ESRRG: variants seen among roughly 807,000 people sequenced by gnomAD.
ESRRG encodes estrogen related receptor gamma, also known as estrogen-related receptor gamma.
Under a neutral mutation model 44.0 loss-of-function variants are expected in ESRRG, and 13 were observed. That is an observed-to-expected ratio of 0.30 (90% CI 0.19 to 0.47). The LOEUF is 0.47. Ranked by LOEUF, ESRRG falls within the 20% of genes least tolerant of loss-of-function variation. The pLI is 1.00. For synonymous variants in ESRRG, 215 were observed against 214.6 expected (o/e 1.00, Z -0.02); for missense variants, 395 against 580.6 (o/e 0.68, Z 3.29).
At chr1:216,983,553 T>A (rs2074348462) in intron 1 of ESRRG, among the ~76,000 whole-genome samples, 1 of 152,138 alleles carries the variant, frequency 6.6e-6, no homozygotes, top group Non-Finnish European at 1.5e-5. Flanking sequence ...CCATGACACA[T>A]CTTCAAAGAC....
chr1:216,787,040 G>A (rs2094149724), intron 2 of ESRRG, among the ~76,000 whole-genome samples: 1 of 151,448 alleles, frequency 6.6e-6, no homozygotes, highest in Non-Finnish European at 1.5e-5. Context: ...TTCTCCAACA[G>A]CATGTGTTCA....
At chr1:217,082,398 T>A (rs2091825528) in intron 1 of ESRRG, among the ~76,000 whole-genome samples, 1 of 152,240 alleles carries the variant, frequency 6.6e-6, no homozygotes, top group South Asian at 2.1e-4. Context: ...AAGCAGATGC[T>A]TTTATTATTC....
At chr1:216,783,950 C>T (rs924632751) in intron 2 of ESRRG, among the ~76,000 whole-genome samples, 20 of 152,094 alleles carry the variant, frequency 1.3e-4, no homozygotes, top group Non-Finnish European at 2.2e-4. Context: ...CACTTGTCTG[C>T]AATATCGATG....
intron 3 of ESRRG, among the ~76,000 whole-genome samples, chr1:216,594,214 T>C (rs2058106843): frequency 6.6e-6 from 1 of 152,168 alleles, no homozygotes; most frequent in African/African-American, 2.4e-5. Context: ...AAATACTATG[T>C]ATCTCTCAGA....
At chr1:216,991,014 A>G (rs1384057606) in intron 1 of ESRRG, among the ~76,000 whole-genome samples, 1 of 152,056 alleles carries the variant, frequency 6.6e-6, no homozygotes. Flanking sequence ...AGTGACAGGG[A>G]GGCGAGCACT....
chr1:217,116,376 TAAG>T (rs2092727001), intron 1 of ESRRG, among the ~76,000 whole-genome samples: 1 of 152,194 alleles, frequency 6.6e-6, no homozygotes, highest in African/African-American at 2.4e-5. Context: ...TGATGTGTTT[TAAG>T]AAGAGAGCTC....
intron 2 of ESRRG, among the ~76,000 whole-genome samples, chr1:216,905,354 C>T (rs1316580478): frequency 6.6e-6 from 1 of 152,074 alleles, no homozygotes; most frequent in Admixed American, 6.6e-5. Flanking sequence ...ACCTCCAGGC[C>T]TTTGCACTTG....
intron 1 of ESRRG, among the ~76,000 whole-genome samples, chr1:217,068,632 A>G (rs2090122211): frequency 6.6e-6 from 1 of 152,228 alleles, no homozygotes. Context: ...CTACAAAAAT[A>G]TCATGTATTA....
intron 2 of ESRRG, among the ~76,000 whole-genome samples, chr1:216,828,390 C>T (rs945231871): frequency 3.9e-5 from 6 of 152,052 alleles, no homozygotes; most frequent in African/African-American, 1.2e-4. Flanking sequence ...TTTTGCAAAG[C>T]GCTTCCTTCA....
intron 2 of ESRRG, among the ~76,000 whole-genome samples, chr1:216,737,624 G>A (rs1289434394): frequency 2.0e-5 from 3 of 152,042 alleles, no homozygotes; most frequent in South Asian, 2.1e-4. Context: ...TTATTGAACC[G>A]TGTAAAGGAA....
chr1:217,018,810 C>T (rs1017680098), intron 1 of ESRRG, among the ~76,000 whole-genome samples: 6 of 152,078 alleles, frequency 3.9e-5, no homozygotes, highest in African/African-American at 7.2e-5. Context: ...ACACTCATGC[C>T]GTCTTAAGCC....
intron 2 of ESRRG, among the ~76,000 whole-genome samples, chr1:216,827,494 A>C (rs1241520682): frequency 6.6e-6 from 1 of 152,186 alleles, no homozygotes; most frequent in Non-Finnish European, 1.5e-5. Context: ...TCCCCATTTC[A>C]TCATCTATAA....
At chr1:216,545,426 A>G (rs1305346938) in intron 5 of ESRRG, among the ~76,000 whole-genome samples, 1 of 151,902 alleles carries the variant, frequency 6.6e-6, no homozygotes, top group Non-Finnish European at 1.5e-5. Context: ...TACCCACCCC[A>G]ATGCATACGT....
chr1:216,636,848 C>G (rs1309149531), intron 3 of ESRRG, among the ~76,000 whole-genome samples: 2 of 152,132 alleles, frequency 1.3e-5, no homozygotes, highest in African/African-American at 4.8e-5. Flanking sequence ...AGCACATAAC[C>G]AAATAGTTAA....
rs991226122 is a variant in ESRRG at position 217,134,735 on chromosome 1, G to C, written c.-230+2932C>G. Among the ~76,000 whole-genome samples, 5 of 152,200 alleles carry C rather than the reference G, an allele frequency of 3.3e-5. No homozygotes were observed. The East Asian group carries it at 7.7e-4, about 24-fold the overall frequency. ...GGCGCGGCTACGTTTCTCTTGCTCC[G>C]GGCTGAGGCTCGAGGAACCTCGCCA... On this transcript the variant is annotated intron_variant, in intron 1 of 8. Transcript: ENST00000366940.
At chr1:216,930,136 T>A (rs1408449423) in intron 2 of ESRRG, among the ~76,000 whole-genome samples, 2 of 152,190 alleles carry the variant, frequency 1.3e-5, no homozygotes, top group Non-Finnish European at 2.9e-5. Context: ...AACCTTTCTC[T>A]GACTCACTTC....
intron 1 of ESRRG, among the ~76,000 whole-genome samples, chr1:217,100,692 T>C (rs1005843969): frequency 2.0e-5 from 3 of 152,044 alleles, no homozygotes; most frequent in African/African-American, 7.2e-5. Context: ...TGGCAGAAGG[T>C]GAAGGGTGAG....
intron 1 of ESRRG, among the ~76,000 whole-genome samples, chr1:216,720,930 A>G (rs2086126506): frequency 6.6e-6 from 1 of 152,170 alleles, no homozygotes; most frequent in Non-Finnish European, 1.5e-5. Flanking sequence ...CAGTCAGTAA[A>G]ATTAAGTCCG....
chr1:216,671,355 T>C (rs2075135036), intron 2 of ESRRG, among the ~76,000 whole-genome samples: 1 of 152,146 alleles, frequency 6.6e-6, no homozygotes, highest in Non-Finnish European at 1.5e-5. Context: ...CAGTGAGAAA[T>C]GGCTACAGGG....
Sources: allele counts gnomAD v4.1 joint callset (sites outside exome capture counted in the v4.1 genomes callset), GRCh38; gene constraint gnomAD v4.1.1; transcripts MANE v1.5; gene names NCBI Gene and HGNC (gene_info 2026-07-23, HGNC 2026-07-21).